Variants in GTF2F2 observed in about 807,000 individuals in gnomAD.
GTF2F2 encodes the protein ATP-dependent helicase GTF2F2.
GTF2F2 carries 23 observed loss-of-function variants against 42.2 expected under a neutral mutation model. The ratio of observed to expected loss-of-function variants is 0.55; its 90% CI spans 0.39 to 0.77. The LOEUF (loss-of-function observed/expected upper bound fraction) is 0.77, where lower values mean the gene tolerates loss of function less well. Ranked by LOEUF, GTF2F2 falls within the 30% of genes least tolerant of loss-of-function variation. The pLI is 0.00. For synonymous variants in GTF2F2, 105 were observed against 100.8 expected (o/e 1.04, Z -0.25); for missense variants, 261 against 287.2 (o/e 0.91, Z 0.66).
chr13:45,140,937 G>A (rs1457425126), intron 2 of GTF2F2, among the ~76,000 whole-genome samples: 2 of 152,180 alleles, frequency 1.3e-5, no homozygotes, highest in African/African-American at 4.8e-5. Flanking sequence ...GTTGATAGTT[G>A]TTTGGCTTTG....
intron 5 of GTF2F2, among the ~76,000 whole-genome samples, chr13:45,234,581 A>G (rs1874855292): frequency 6.6e-6 from 1 of 152,218 alleles, no homozygotes; most frequent in Non-Finnish European, 1.5e-5. Context: ...TTATTTTATT[A>G]AAGTTATAAA....
At chr13:45,229,686 A>G (rs895891210) in intron 5 of GTF2F2, among the ~76,000 whole-genome samples, 1 of 152,302 alleles carries the variant, frequency 6.6e-6, no homozygotes, top group Non-Finnish European at 1.5e-5. Context: ...GTCGACAGAA[A>G]GGAAACCTGG....
In GTF2F2 at chr13:45,276,304, T is replaced by C. The variant is rs192519172; in HGVS notation, c.631-7138T>C. 3.5e-4 allele frequency among the ~76,000 whole-genome samples: 53 copies of C among 152,350 alleles called. 1 individual carries two copies. The highest frequency in any genetic ancestry group is 3.4e-3 in the Middle Eastern group (1 of 294). ...TTGGACATTTGCATTGTTTCTACGT[T>C]GGGACTATTATGAATAAGGCTGCTA... On this transcript the variant is annotated intron_variant, in intron 7 of 7. Coordinates refer to ENST00000340473, the MANE Select transcript of GTF2F2 (RefSeq NM_004128.3).
intron 5 of GTF2F2, among the ~76,000 whole-genome samples, chr13:45,237,818 T>C (rs1875067982): frequency 6.6e-6 from 1 of 152,236 alleles, no homozygotes; most frequent in Non-Finnish European, 1.5e-5. Context: ...AGATACTTCA[T>C]TTTTGCTCTC....
At chr13:45,238,944 C>CG (rs927793034) in intron 5 of GTF2F2, among the ~76,000 whole-genome samples, 3 of 74,956 alleles carry the variant, frequency 4.0e-5, no homozygotes, top group Admixed American at 1.4e-4. Flanking sequence ...AATTCCATCT[C>CG]GAAAAAAAAA....
chr13:45,213,469 A>G (rs1462315952), intron 5 of GTF2F2, among the ~76,000 whole-genome samples: 1 of 152,162 alleles, frequency 6.6e-6, no homozygotes, highest in Non-Finnish European at 1.5e-5. Context: ...AAACCTCCTT[A>G]TAGTTTCTAT....
At chr13:45,194,730 A>T (rs1425518138) in intron 4 of GTF2F2, 5 of 645,562 alleles carry the variant, frequency 7.7e-6, no homozygotes, top group Non-Finnish European at 1.1e-5. Context: ...TAGGTGGCGT[A>T]TCAGCCTATG....
At chr13:45,259,874 GCCAC>G (rs1876264492) in intron 6 of GTF2F2, among the ~76,000 whole-genome samples, 1 of 151,996 alleles carries the variant, frequency 6.6e-6, no homozygotes, top group South Asian at 2.1e-4. Flanking sequence ...ATAGGCGTGA[GCCAC>G]TGCGCCTGGC....
At chr13:45,172,208 T>C (rs576543280) in intron 4 of GTF2F2, among the ~76,000 whole-genome samples, 99 of 152,296 alleles carry the variant, frequency 6.5e-4, no homozygotes, top group African/African-American at 2.3e-3. Flanking sequence ...GCCAACCAAG[T>C]GGATGGGTGT....
chr13:45,136,048 G>A (rs917472072), intron 1 of GTF2F2, among the ~76,000 whole-genome samples: 1 of 152,226 alleles, frequency 6.6e-6, no homozygotes, highest in East Asian at 1.9e-4. Context: ...TAAGAACACA[G>A]ACCCTGGAGG....
chr13:45,188,868 A>G (rs1944097803), intron 4 of GTF2F2, among the ~76,000 whole-genome samples: 1 of 152,088 alleles, frequency 6.6e-6, no homozygotes, highest in Non-Finnish European at 1.5e-5. Context: ...CCAGCAGACA[A>G]ATTTGTGATA....
At chr13:45,252,113 G>T (rs1016623665) in intron 5 of GTF2F2, among the ~76,000 whole-genome samples, 1 of 152,102 alleles carries the variant, frequency 6.6e-6, no homozygotes. Context: ...ACTATACATG[G>T]TGGCATATAT....
At chr13:45,165,997 A>T (rs1299777183) in intron 4 of GTF2F2, among the ~76,000 whole-genome samples, 1 of 151,748 alleles carries the variant, frequency 6.6e-6, no homozygotes, top group Non-Finnish European at 1.5e-5. Flanking sequence ...TATTTTTAGT[A>T]GAGACGGGGT....
intron 1 of GTF2F2, chr13:45,123,010 AG>A (rs1421061884): frequency 6.6e-6 from 1 of 151,976 alleles, no homozygotes; most frequent in East Asian, 1.9e-4. Context: ...GCCTATTTGG[AG>A]GTTGCAGTGA....
At chr13:45,267,830 T>A (rs932489524) in intron 7 of GTF2F2, among the ~76,000 whole-genome samples, 24 of 147,148 alleles carry the variant, frequency 1.6e-4, no homozygotes, top group African/African-American at 4.7e-4. Flanking sequence ...TTTTTTTTTT[T>A]AATTAGAATC....
At chr13:45,213,351 T>A (rs188856422) in intron 5 of GTF2F2, among the ~76,000 whole-genome samples, 3 of 152,284 alleles carry the variant, frequency 2.0e-5, no homozygotes, top group Admixed American at 2.0e-4. Flanking sequence ...AGTGCTGGGA[T>A]TACAGGTATG....
At chr13:45,163,233 G>A (rs141063511) in intron 4 of GTF2F2, among the ~76,000 whole-genome samples, 1,701 of 152,060 alleles carry the variant, frequency 0.011, 21 homozygotes, top group South Asian at 0.033. Context: ...TTATAAAGTC[G>A]GTTCTTTGTT....
intron 5 of GTF2F2, among the ~76,000 whole-genome samples, chr13:45,227,586 G>A (rs1277496139): frequency 3.9e-5 from 6 of 152,138 alleles, no homozygotes; most frequent in Non-Finnish European, 8.8e-5. Context: ...GGCTTTCTCT[G>A]TGATAGTCTT....
At chr13:45,164,869 A>G (rs1593464919) in intron 4 of GTF2F2, among the ~76,000 whole-genome samples, 1 of 152,370 alleles carries the variant, frequency 6.6e-6, no homozygotes, top group Non-Finnish European at 1.5e-5. Context: ...AGAGACCTAC[A>G]CTTGAACTGT....
Sources: gnomAD v4.1 joint callset for allele counts (sites outside exome capture counted in the v4.1 genomes callset) on GRCh38, gnomAD v4.1.1 for gene constraint, MANE v1.5 for transcripts, NCBI Gene and HGNC (gene_info 2026-07-23, HGNC 2026-07-21) for gene names.